Variants in RNF152 observed in about 807,000 individuals in gnomAD.
RNF152 encodes ring finger protein 152, also known as E3 ubiquitin-protein ligase RNF152.
RNF152 carries 11 observed loss-of-function variants against 12.7 expected under a neutral mutation model. That is an observed-to-expected ratio of 0.86 (90% CI 0.54 to 1.43). RNF152 has a LOEUF of 1.43. RNF152 is among the 40% of genes most tolerant of loss of function. RNF152 has a pLI of 0.00. For synonymous variants in RNF152, 113 were observed against 120.3 expected (o/e 0.94, Z 0.40); for missense variants, 255 against 274.8 (o/e 0.93, Z 0.51).
intron 1 of RNF152, among the ~76,000 whole-genome samples, chr18:61,831,756 TA>T (rs1275594786): frequency 6.7e-6 from 1 of 148,550 alleles, no homozygotes; most frequent in East Asian, 1.9e-4. Flanking sequence ...TTCATTTAAT[TA>T]AAAATTTTAC....
chr18:61,857,522 G>T (rs997014151), intron 1 of RNF152, among the ~76,000 whole-genome samples: 7 of 152,092 alleles, frequency 4.6e-5, no homozygotes, highest in Admixed American at 3.9e-4. Context: ...ACAGCAACAG[G>T]CAAGAGAATG....
intron 1 of RNF152, among the ~76,000 whole-genome samples, chr18:61,883,195 T>C (rs1365093387): frequency 2.0e-5 from 3 of 152,202 alleles, no homozygotes. Context: ...CACTTCTCTA[T>C]GCAGCTTTCA....
intron 1 of RNF152, among the ~76,000 whole-genome samples, chr18:61,864,951 C>T (rs901034866): frequency 2.0e-5 from 3 of 151,962 alleles, no homozygotes; most frequent in Admixed American, 6.5e-5. Flanking sequence ...ACCCAGGAGG[C>T]GGAGGTTGCA....
At chr18:61,845,412 C>A (rs1370463349) in intron 1 of RNF152, among the ~76,000 whole-genome samples, 1 of 152,206 alleles carries the variant, frequency 6.6e-6, no homozygotes, top group African/African-American at 2.4e-5. Context: ...CAGCTGGGCA[C>A]GCAGAGCAAA....
chr18:61,861,428 A>G (rs903591241), intron 1 of RNF152, among the ~76,000 whole-genome samples: 1 of 152,234 alleles, frequency 6.6e-6, no homozygotes, highest in Non-Finnish European at 1.5e-5. Context: ...GCTGTACTGT[A>G]TAGCCTATAT....
At chr18:61,826,696 T>A (rs1383494291) in intron 1 of RNF152, among the ~76,000 whole-genome samples, 1 of 152,094 alleles carries the variant, frequency 6.6e-6, no homozygotes, top group Non-Finnish European at 1.5e-5. Context: ...TTTGTTGACC[T>A]CAGATCTACA....
intron 1 of RNF152, among the ~76,000 whole-genome samples, chr18:61,834,923 G>A (rs1387275301): frequency 6.6e-6 from 1 of 152,194 alleles, no homozygotes; most frequent in Non-Finnish European, 1.5e-5. Context: ...ATCAGCGTCT[G>A]GGGGTAGGGT....
At chr18:61,821,417 A>G (rs1909403535) in intron 1 of RNF152, among the ~76,000 whole-genome samples, 1 of 152,160 alleles carries the variant, frequency 6.6e-6, no homozygotes, top group Admixed American at 6.5e-5. Context: ...CGTAATTAGT[A>G]ATGATGATGA....
rs1912789797 is a variant in RNF152 at position 61,808,387 on chromosome 18, T to TAACA, written c.*7464_*7465insTGTT. ...TTTATCTGTAGGGCTATTTGGCCCT[T>TAACA]AAAAAAAAAAAAAAAAAAAAAAAAA... is the stretch of plus-strand genomic sequence containing the variant. On this transcript the variant is annotated 3_prime_UTR_variant, in exon 2 of 2. Transcript: ENST00000312828. 2.0e-5 allele frequency: 1 copy of TAACA among 50,792 alleles called. No individual in the cohort carries two copies. The allele number at this position is 50,792 out of a possible 1,614,324, so 3.1% of individuals were successfully genotyped here.
At chr18:61,890,762 G>A (rs1359700129) in intron 1 of RNF152, among the ~76,000 whole-genome samples, 8 of 152,212 alleles carry the variant, frequency 5.3e-5, no homozygotes. Context: ...TGACAGCATA[G>A]GTGGGTTCAA....
intron 1 of RNF152, among the ~76,000 whole-genome samples, chr18:61,823,730 A>C (rs1172590806): frequency 6.6e-6 from 1 of 152,256 alleles, no homozygotes; most frequent in East Asian, 1.9e-4. Context: ...TGGTTGAACC[A>C]GACAAAAGCA....
rs143797765 is a variant in RNF152, at chr18:61,839,000, G to A, written c.-135-22402C>T. ...TCTCCAATCCAAGCTGAACTTGGCC[G>A]TCATCTTCTACAACTTCAGTAAACA... On this transcript the variant is annotated intron_variant, in intron 1 of 1. Coordinates refer to ENST00000312828, the MANE Select transcript of RNF152 (RefSeq NM_173557.3). Among the ~76,000 whole-genome samples the A allele has an allele frequency of 3.9e-3, 586 of 149,642 alleles. 3 individuals carry two copies. Among genetic ancestry groups the A allele is most frequent in the African/African-American group, 0.014 (560 of 40,542 alleles).
intron 1 of RNF152, among the ~76,000 whole-genome samples, chr18:61,835,772 A>G (rs1284523449): frequency 6.6e-6 from 1 of 152,186 alleles, no homozygotes; most frequent in Non-Finnish European, 1.5e-5. Context: ...ACTGTAAAGC[A>G]GTCTTGAACT....
intron 1 of RNF152, among the ~76,000 whole-genome samples, chr18:61,835,340 A>G (rs1910130772): frequency 6.6e-6 from 1 of 152,246 alleles, no homozygotes; most frequent in South Asian, 2.1e-4. Context: ...CAAGAATGAG[A>G]AAGAAGTTTA....
At chr18:61,823,684 G>A (rs1909526263) in intron 1 of RNF152, among the ~76,000 whole-genome samples, 1 of 152,258 alleles carries the variant, frequency 6.6e-6, no homozygotes, top group South Asian at 2.1e-4. Context: ...GGCCCAGGTG[G>A]CAGAGGCAGG....
At chr18:61,836,579 G>A (rs1264158866) in intron 1 of RNF152, among the ~76,000 whole-genome samples, 2 of 152,120 alleles carry the variant, frequency 1.3e-5, no homozygotes, top group East Asian at 3.9e-4. Context: ...ACCCGAATCT[G>A]ACCATGTTCA....
chr18:61,849,177 C>A (rs1036650132), intron 1 of RNF152, among the ~76,000 whole-genome samples: 3 of 152,154 alleles, frequency 2.0e-5, no homozygotes, highest in African/African-American at 7.2e-5. Context: ...TACTGCCCTG[C>A]GGGGGCTTCA....
In RNF152 at chr18:61,833,252, G is replaced by A. The variant is rs369880895; in HGVS notation, c.-135-16654C>T. Among the ~76,000 whole-genome samples the A allele has an allele frequency of 2.6e-4, 39 of 152,318 alleles. No individual in the cohort carries two copies. In the East Asian group the frequency reaches 4.4e-3, roughly 17 times the overall value. ...TAGCTGATGTAGGTCGCAAGAATCA[G>A]ATTAAATTGGTTTATTGAGACAGCC... is the stretch of plus-strand genomic sequence containing the variant. On this transcript the variant is annotated intron_variant, in intron 1 of 1. Coordinates refer to ENST00000312828, the MANE Select transcript of RNF152 (RefSeq NM_173557.3).
At chr18:61,844,832 T>C (rs1910676268) in intron 1 of RNF152, among the ~76,000 whole-genome samples, 1 of 152,002 alleles carries the variant, frequency 6.6e-6, no homozygotes, top group African/African-American at 2.4e-5. Flanking sequence ...TTTAAAAGGC[T>C]CTGATGACCT....
Sources: allele counts gnomAD v4.1 joint callset (sites outside exome capture counted in the v4.1 genomes callset), GRCh38; gene constraint gnomAD v4.1.1; transcripts MANE v1.5; gene names NCBI Gene and HGNC (gene_info 2026-07-23, HGNC 2026-07-21).